MGAT4C: variants seen among roughly 807,000 people sequenced by gnomAD.
The protein encoded by MGAT4C is alpha-1,3-mannosyl-glycoprotein 4-beta-N-acetylglucosaminyltransferase C.
In MGAT4C, 19 loss-of-function variants were observed where a neutral mutation model predicts 40.1. The ratio of observed to expected loss-of-function variants is 0.47; its 90% CI spans 0.33 to 0.70. The LOEUF (loss-of-function observed/expected upper bound fraction) is 0.70, where lower values mean the gene tolerates loss of function less well. Ranked by LOEUF, MGAT4C falls within the 30% of genes least tolerant of loss-of-function variation. MGAT4C has a pLI of 0.02. For missense variants in MGAT4C, 491 were observed against 563.2 expected, an observed-to-expected ratio of 0.87 and a Z score of 1.30; for synonymous variants, 181 against 187.1, an observed-to-expected ratio of 0.97 and a Z score of 0.27.
chr12:86,058,402 T>A (rs1003259597), intron 1 of MGAT4C, among the ~76,000 whole-genome samples: 13 of 152,084 alleles, frequency 8.5e-5, no homozygotes, highest in African/African-American at 3.1e-4. Flanking sequence ...AAAAATGAAC[T>A]CAATATTATG....
chr12:86,835,030 T>C (rs1426116354), intron 1 of MGAT4C, among the ~76,000 whole-genome samples: 1 of 151,952 alleles, frequency 6.6e-6, no homozygotes, highest in Non-Finnish European at 1.5e-5. Context: ...TGTGTTAATA[T>C]TTGGAAACGT....
intron 2 of MGAT4C, among the ~76,000 whole-genome samples, chr12:86,683,127 C>T (rs1485563597): frequency 6.6e-6 from 1 of 152,088 alleles, no homozygotes; most frequent in Non-Finnish European, 1.5e-5. Context: ...TATGATATCC[C>T]TGTGCCTCAG....
At chr12:86,362,557 A>G (rs896429920) in intron 3 of MGAT4C, among the ~76,000 whole-genome samples, 2 of 152,118 alleles carry the variant, frequency 1.3e-5, no homozygotes, top group Non-Finnish European at 2.9e-5. Flanking sequence ...TAATAAAAAG[A>G]TCCAGTCATA....
chr12:86,539,271 A>G (rs557432947), intron 2 of MGAT4C, among the ~76,000 whole-genome samples: 48 of 151,252 alleles, frequency 3.2e-4, no homozygotes, highest in African/African-American at 1.2e-3. Flanking sequence ...GAGAACATGC[A>G]GTGTTTGGTT....
In MGAT4C at chr12:86,658,554, T is replaced by C. The variant is rs112427489; in HGVS notation, c.-229+68655A>G. ...AGAGGATTACTATTAAAAGAATTAT[T>C]TTCTCTGTAAAGTGTTTTCACTTAA... On this transcript the variant is annotated intron_variant, in intron 2 of 7. Coordinates refer to the MGAT4C transcript ENST00000548651. 3.4e-3 allele frequency among the ~76,000 whole-genome samples: 523 copies of C among 152,218 alleles called. 1 individual carries two copies. Among genetic ancestry groups the C allele is most frequent in the African/African-American group, 0.012 (502 of 41,558 alleles).
intron 2 of MGAT4C, among the ~76,000 whole-genome samples, chr12:86,691,909 T>C (rs1235026780): frequency 3.3e-5 from 5 of 152,136 alleles, no homozygotes; most frequent in Non-Finnish European, 5.9e-5. Context: ...TTTCAATTGA[T>C]AGTTCTACTT....
At chr12:86,449,302 T>C (rs976577273) in intron 2 of MGAT4C, among the ~76,000 whole-genome samples, 6 of 152,174 alleles carry the variant, frequency 3.9e-5, no homozygotes, top group African/African-American at 1.2e-4. Context: ...TATGACATTA[T>C]AGTGTTTAAA....
chr12:86,175,215 A>G (rs1198105115), intron 1 of MGAT4C, among the ~76,000 whole-genome samples: 1 of 152,182 alleles, frequency 6.6e-6, no homozygotes. Context: ...GAATATGTAA[A>G]TTGATGATAT....
intron 2 of MGAT4C, among the ~76,000 whole-genome samples, chr12:86,643,131 G>C (rs372345608): frequency 1.3e-5 from 2 of 151,656 alleles, no homozygotes; most frequent in African/African-American, 4.8e-5. Flanking sequence ...AAGAGAGCTC[G>C]AGAAATAGCA....
intron 2 of MGAT4C, among the ~76,000 whole-genome samples, chr12:86,662,652 G>A (rs1964008376): frequency 6.6e-6 from 1 of 152,062 alleles, no homozygotes. Flanking sequence ...AACTTGTAGG[G>A]CTATTCAGAA....
At chr12:86,153,606 G>T (rs368087692) in intron 1 of MGAT4C, among the ~76,000 whole-genome samples, 7 of 152,336 alleles carry the variant, frequency 4.6e-5, no homozygotes, top group East Asian at 3.9e-4. Flanking sequence ...AGGGAGGGAA[G>T]TGACTGGATT....
intron 1 of MGAT4C, among the ~76,000 whole-genome samples, chr12:86,154,054 T>C (rs1173154432): frequency 6.6e-6 from 1 of 152,202 alleles, no homozygotes; most frequent in African/African-American, 2.4e-5. Context: ...TAGGGATTCA[T>C]ATTGGGACAA....
At position 86,038,799 on chromosome 12, in the gene MGAT4C, G is replaced by A. The variant is rs140494344; in HGVS notation, c.-7+10875C>T. On this transcript the variant is annotated intron_variant, in intron 2 of 4. Coordinates refer to ENST00000611864, the MANE Select transcript of MGAT4C (RefSeq NM_001351288.2). ...ATAATGCTAGCTGGGTATTTTGCCCGTTAGTTGATACAGTTTCTTCATAGT... is the reference window on the plus strand; with the variant it reads ...ATAATGCTAGCTGGGTATTTTGCCCATTAGTTGATACAGTTTCTTCATAGT... 7.5e-3 allele frequency among the ~76,000 whole-genome samples: 1,124 copies of A among 149,850 alleles called. 94 individuals carry two copies. The highest frequency in any genetic ancestry group is 0.01 in the Non-Finnish European group (683 of 66,808).
chr12:86,402,194 C>G (rs1288295600), intron 3 of MGAT4C, among the ~76,000 whole-genome samples: 1 of 151,914 alleles, frequency 6.6e-6, no homozygotes, highest in African/African-American at 2.4e-5. Context: ...CTTGTAATTC[C>G]AGCACTTTGG....
chr12:86,060,462 T>C (rs1411583699), intron 1 of MGAT4C, among the ~76,000 whole-genome samples: 3 of 152,134 alleles, frequency 2.0e-5, no homozygotes, highest in Non-Finnish European at 4.4e-5. Flanking sequence ...AGTCGTATCA[T>C]GATACAATAC....
intron 2 of MGAT4C, among the ~76,000 whole-genome samples, chr12:86,639,395 G>A (rs1024382152): frequency 6.6e-6 from 1 of 151,444 alleles, no homozygotes; most frequent in Non-Finnish European, 1.5e-5. Flanking sequence ...TCTATTATTG[G>A]TTTTTGGGAC....
intron 1 of MGAT4C, among the ~76,000 whole-genome samples, chr12:86,067,519 G>A (rs761857861): frequency 2.6e-5 from 4 of 151,328 alleles, no homozygotes; most frequent in Non-Finnish European, 5.9e-5. Context: ...AGAACACATG[G>A]ACATAGGGAG....
intron 2 of MGAT4C, among the ~76,000 whole-genome samples, chr12:85,999,583 G>GTGTATATATATATA (rs1226916126): frequency 4.1e-5 from 5 of 122,982 alleles, no homozygotes; most frequent in African/African-American, 1.5e-4. Flanking sequence ...GTGTGTGTGT[G>GTGTATATATATATA]TATATATATA....
chr12:86,469,723 A>G (rs1426431051), intron 2 of MGAT4C, among the ~76,000 whole-genome samples: 3 of 152,104 alleles, frequency 2.0e-5, no homozygotes, highest in African/African-American at 7.2e-5. Flanking sequence ...GAGCCCAGGT[A>G]CCCAGGGAAT....
Sources: gnomAD v4.1 joint callset for allele counts (sites outside exome capture counted in the v4.1 genomes callset) on GRCh38, gnomAD v4.1.1 for gene constraint, MANE v1.5 for transcripts, NCBI Gene and HGNC (gene_info 2026-07-23, HGNC 2026-07-21) for gene names.